EML6: variants seen among roughly 807,000 people sequenced by gnomAD.
EML6 encodes the protein EMAP like 6.
A neutral mutation model predicts 240.1 loss-of-function variants in EML6; 154 were observed. That is an observed-to-expected ratio of 0.64 (90% CI 0.56 to 0.73). The LOEUF (loss-of-function observed/expected upper bound fraction) is 0.73. EML6 is among the 30% of genes least tolerant of loss of function. The pLI is 0.00. For missense variants in EML6, 2,964 were observed against 2,474.6 expected (o/e 1.20, Z -4.20); for synonymous variants, 1,148 against 899.0 (o/e 1.28, Z -4.95).
intron 2 of EML6, among the ~76,000 whole-genome samples, chr2:54,799,347 C>T (rs751588761): frequency 3.3e-5 from 5 of 151,944 alleles, no homozygotes; most frequent in Non-Finnish European, 7.4e-5. Context: ...AGGCATGAGC[C>T]ACCACGCCCA....
rs142232048 is a variant in EML6, at chr2:54,803,433, C to G, written c.198-9799C>G. Among the ~76,000 whole-genome samples the G allele has an allele frequency of 6.5e-4, 99 of 152,262 alleles. 1 individual carries two copies. Among genetic ancestry groups the G allele is most frequent in the African/African-American group, 2.2e-3 (91 of 41,540 alleles). On this transcript the variant is annotated intron_variant, in intron 2 of 41. Coordinates refer to ENST00000356458, the MANE Select transcript of EML6 (RefSeq NM_001039753.4). ...CATTGGGCTTTTTTCTCGGCTGTAT[C>G]TTTGCCTCATACCTTCGTCAAGCCA... is the stretch of plus-strand genomic sequence containing the variant.
intron 2 of EML6, among the ~76,000 whole-genome samples, chr2:54,743,004 A>G (rs946997887): frequency 4.6e-5 from 7 of 152,242 alleles, no homozygotes; most frequent in African/African-American, 1.4e-4. Flanking sequence ...TCACTAACCT[A>G]ACTAAAGACC....
At chr2:54,818,182 A>G (rs1237152591) in intron 4 of EML6, among the ~76,000 whole-genome samples, 1 of 152,204 alleles carries the variant, frequency 6.6e-6, no homozygotes. Context: ...AGTTACAAAC[A>G]GTTTAAACCA....
chr2:54,850,461 G>T, intron 10 of EML6: 1 of 425,528 alleles, frequency 2.4e-6, no homozygotes. Context: ...CAACAAGGGA[G>T]ATCGTGAATG....
intron 16 of EML6, among the ~76,000 whole-genome samples, chr2:54,872,938 A>G (rs746370454): frequency 1.2e-4 from 19 of 152,126 alleles, no homozygotes; most frequent in Non-Finnish European, 2.4e-4. Flanking sequence ...GCACACAGTT[A>G]CTTGTGTCAG....
Position 54,891,068 on chromosome 2 carries a change from A to G in EML6, c.2453A>G (p.Lys818Arg). ...GTCTCTTACAGAGGACATAAAGATA[A>G]GATATTTGTGGTAAAGTGTAACCCA... ...KIATTRGHKD[K>R]IFVVKCNPHH... Residue 818 changes from lysine (K) to arginine (R), a missense_variant, in exon 18 of 42, where the codon AAG (lysine) becomes AGG (arginine). Coordinates refer to ENST00000356458, the MANE Select transcript of EML6 (RefSeq NM_001039753.4). 1 of 1,476,388 alleles carries G rather than the reference A, an allele frequency of 6.8e-7. No individual in the cohort carries two copies. The highest frequency in any genetic ancestry group is 1.4e-5 in the African/African-American group (1 of 72,172). 91.5% of individuals were successfully genotyped at this position (1,476,388 alleles called of 1,614,324 possible).
At chr2:54,960,153 G>C (rs1676429192) in intron 34 of EML6, 67 bp from the exon 35 acceptor site, 3 of 1,155,932 alleles carry the variant, frequency 2.6e-6, no homozygotes, top group African/African-American at 1.5e-5. Flanking sequence ...AGAGGGGAGA[G>C]GGCCGGAGGG....
intron 28 of EML6, among the ~76,000 whole-genome samples, chr2:54,929,496 G>A (rs1448836971): frequency 6.6e-6 from 1 of 152,172 alleles, no homozygotes; most frequent in Non-Finnish European, 1.5e-5. Flanking sequence ...GAATTTCGTG[G>A]ATCTCAAAGA....
At chr2:54,804,425 G>A (rs1670355493) in intron 2 of EML6, among the ~76,000 whole-genome samples, 1 of 152,170 alleles carries the variant, frequency 6.6e-6, no homozygotes. Flanking sequence ...TACAGTCTTA[G>A]GCAGTATTTC....
At chr2:54,963,311 C>T (rs899234741) in intron 36 of EML6, among the ~76,000 whole-genome samples, 14 of 152,186 alleles carry the variant, frequency 9.2e-5, no homozygotes, top group Admixed American at 2.6e-4. Flanking sequence ...AGTATGGTTG[C>T]TAGACTTTTA....
chr2:54,769,021 G>T (rs1044107435), intron 2 of EML6, among the ~76,000 whole-genome samples: 1 of 152,084 alleles, frequency 6.6e-6, no homozygotes, highest in African/African-American at 2.4e-5. Flanking sequence ...GTGGAAAGCT[G>T]GGTAGTTAAG....
chr2:54,806,873 C>A (rs534221699), intron 2 of EML6, among the ~76,000 whole-genome samples: 1 of 151,970 alleles, frequency 6.6e-6, no homozygotes, highest in Non-Finnish European at 1.5e-5. Context: ...GAGTAATTTG[C>A]TGAAGGTGAT....
At chr2:54,729,791 A>G (rs1412828473) in intron 2 of EML6, among the ~76,000 whole-genome samples, 1 of 152,246 alleles carries the variant, frequency 6.6e-6, no homozygotes, top group Non-Finnish European at 1.5e-5. Flanking sequence ...GATTTATTCA[A>G]GAATATTTGA....
rs1682866773 is a variant in EML6 at position 54,725,391 on chromosome 2, G to A, written c.197+133G>A. ...CTCTCTGGAGCCGCATGGAATTACT[G>A]AAGGGCTGCTGATTCTAGGGCCAGG... is the stretch of plus-strand genomic sequence containing the variant. On this transcript the variant is annotated intron_variant, in intron 2 of 41. Transcript: ENST00000356458. The surrounding 1 kb of genome is among the most constrained non-coding windows in gnomAD (Gnocchi z 4.3). 2 of 630,570 alleles carry A rather than the reference G, an allele frequency of 3.2e-6. No individual in the cohort carries two copies. The highest frequency in any genetic ancestry group is 5.0e-6 in the Non-Finnish European group (2 of 402,834). The allele number at this position is 630,570 out of a possible 1,614,324, so 39.1% of individuals were successfully genotyped here.
rs552725101 is a variant in EML6, at chr2:54,911,780, T to A, written c.3498+738T>A. Among the ~76,000 whole-genome samples, 8 of 152,298 alleles carry A rather than the reference T, an allele frequency of 5.3e-5. No individual in the cohort carries two copies. In the South Asian group the frequency reaches 1.2e-3, roughly 24 times the overall value. On this transcript the variant is annotated intron_variant, in intron 25 of 41. Transcript: ENST00000356458. Reference sequence around the variant, plus strand: ...ACAAAAACAATCTGCAATCTGACCATTGTATTGTATCAAACTGTTTTCTTT... The same window carrying A: ...ACAAAAACAATCTGCAATCTGACCAATGTATTGTATCAAACTGTTTTCTTT...
Position 54,871,510 on chromosome 2 carries a change from A to C in EML6, c.2249A>C (p.Asp750Ala), listed in dbSNP as rs750274165. 1 of 1,551,156 alleles carries C rather than the reference A, an allele frequency of 6.4e-7. No homozygotes were observed. The highest frequency in any genetic ancestry group is 8.7e-7 in the Non-Finnish European group (1 of 1,146,364). ...ATTCTGTTATTTAAGGTTGGAAGAG[A>C]TGCTGCTATTCATGTGTGGGACACA... The part of the protein sequence containing the change: ...DYVATGQVGR[D>A]AAIHVWDTQT... Residue 750 changes from aspartate to alanine, a missense_variant, in exon 16 of 42, where the codon GAT becomes GCT. Asp to Ala is a moderately radical substitution (Grantham distance 126). Transcript: ENST00000356458.
intron 2 of EML6, among the ~76,000 whole-genome samples, chr2:54,800,412 C>T (rs2103966048): frequency 6.6e-6 from 1 of 152,230 alleles, no homozygotes; most frequent in African/African-American, 2.4e-5. Context: ...CACGTACATA[C>T]ACACATATAA....
chr2:54,968,115 T>G lies in EML6; in HGVS notation c.5598-13T>G, dbSNP rs949708448. 4 of 1,550,382 alleles carry G rather than the reference T, an allele frequency of 2.6e-6. No homozygotes were observed. Among genetic ancestry groups the G allele is most frequent in the Non-Finnish European group, 3.5e-6 (4 of 1,146,966 alleles). On this transcript the variant is annotated splice_polypyrimidine_tract_variant and intron_variant, in intron 39 of 41. Transcript: ENST00000356458. Reference sequence around the variant, plus strand: ...ACTTCCTTCTATCCTAACCCCTCTTTCTGTTGGAACAGCGTCCTGGGAGAT... The same window carrying G: ...ACTTCCTTCTATCCTAACCCCTCTTGCTGTTGGAACAGCGTCCTGGGAGAT...
chr2:54,961,188 T>TTTTTTTTTTTTG (rs1558729603), intron 35 of EML6, among the ~76,000 whole-genome samples: 1 of 106,692 alleles, frequency 9.4e-6, no homozygotes, highest in Admixed American at 1.0e-4. Context: ...GAAGTAGTTT[T>TTTTTTTTTTTTG]TTTTTTTTTT....
Sources: gnomAD v4.1 joint callset for allele counts (sites outside exome capture counted in the v4.1 genomes callset) on GRCh38, gnomAD v4.1.1 for gene constraint, Gnocchi (gnomAD v3.1) non-coding constraint, MANE v1.5 for transcripts, NCBI Gene and HGNC (gene_info 2026-07-23, HGNC 2026-07-21) for gene names.